Variants in POC1B observed in about 807,000 individuals in gnomAD.
POC1B encodes the protein POC1 centriolar protein B.
Under a neutral mutation model 60.6 loss-of-function variants are expected in POC1B, and 44 were observed. That is an observed-to-expected ratio of 0.73 (90% CI 0.57 to 0.93). The LOEUF is 0.93. Ranked by LOEUF, POC1B falls within the 40% of genes least tolerant of loss-of-function variation. POC1B has a pLI of 0.00. For missense variants in POC1B, 555 were observed against 572.3 expected, an observed-to-expected ratio of 0.97 and a Z score of 0.31; for synonymous variants, 180 against 198.9, an observed-to-expected ratio of 0.90 and a Z score of 0.80.
At chr12:89,445,042 C>G (rs766127248) in intron 10 of POC1B, among the ~76,000 whole-genome samples, 1 of 152,136 alleles carries the variant, frequency 6.6e-6, no homozygotes, top group Non-Finnish European at 1.5e-5. Flanking sequence ...AGGAATCCAA[C>G]TTACAAGGGG....
intron 2 of POC1B, chr12:89,500,649 T>C (rs1011498389): frequency 6.6e-5 from 104 of 1,577,668 alleles, no homozygotes; most frequent in Non-Finnish European, 8.6e-5. Flanking sequence ...ACTTACACTT[T>C]TGAAAATTCA....
chr12:89,499,837 A>C (rs1399740562), intron 2 of POC1B, among the ~76,000 whole-genome samples: 1 of 152,280 alleles, frequency 6.6e-6, no homozygotes, highest in Non-Finnish European at 1.5e-5. Context: ...GAATATCTTC[A>C]TGACCTTGGG....
intron 4 of POC1B, among the ~76,000 whole-genome samples, chr12:89,480,048 C>A (rs894052022): frequency 6.6e-6 from 1 of 152,036 alleles, no homozygotes; most frequent in Non-Finnish European, 1.5e-5. Flanking sequence ...CTTTATATGA[C>A]CTCTTTTCTT....
At chr12:89,513,857 C>A (rs1870306066) in intron 2 of POC1B, among the ~76,000 whole-genome samples, 1 of 152,160 alleles carries the variant, frequency 6.6e-6, no homozygotes, top group Non-Finnish European at 1.5e-5. Context: ...TGAAGCCAGT[C>A]CCTGGTGCCA....
intron 10 of POC1B, among the ~76,000 whole-genome samples, chr12:89,454,754 T>A (rs1168106863): frequency 6.6e-6 from 1 of 152,198 alleles, no homozygotes; most frequent in Non-Finnish European, 1.5e-5. Context: ...CCCTGTACTA[T>A]ATACAGTTTA....
chr12:89,457,261 A>G (rs767749445), intron 10 of POC1B, among the ~76,000 whole-genome samples: 2 of 152,206 alleles, frequency 1.3e-5, no homozygotes, highest in Non-Finnish European at 2.9e-5. Context: ...AGAAACTGTC[A>G]GTGTAGGGAG....
intron 2 of POC1B, among the ~76,000 whole-genome samples, chr12:89,510,972 C>G (rs536483429): frequency 5.1e-4 from 78 of 151,892 alleles, no homozygotes; most frequent in Middle Eastern, 3.4e-3. Context: ...CCAGGCTGGT[C>G]TCACACTCCT....
Position 89,501,164 on chromosome 12 carries a change from T to A in POC1B, c.101-3822A>T, listed in dbSNP as rs1367199638. On this transcript the variant is annotated intron_variant, in intron 2 of 11. Coordinates refer to ENST00000313546, the MANE Select transcript of POC1B (RefSeq NM_172240.3). ...TCAAGAGAAAAGCATCATAATATAT[T>A]AGCTAAGACTTTGGCAAATGACAAA... 3.5e-6 allele frequency: 5 copies of A among 1,419,178 alleles called. No homozygotes were observed. In the Admixed American group the frequency reaches 8.4e-5, roughly 24 times the overall value. 87.9% of individuals were successfully genotyped at this position (1,419,178 alleles called of 1,614,324 possible).
At chr12:89,466,993 C>A in intron 8 of POC1B, 71 bp from the exon 9 acceptor site, 1 of 1,304,984 alleles carries the variant, frequency 7.7e-7, no homozygotes, top group Non-Finnish European at 1.1e-6. Flanking sequence ...ATTTTAAAAC[C>A]CACAATATAC....
intron 4 of POC1B, among the ~76,000 whole-genome samples, chr12:89,477,379 G>C (rs1883163687): frequency 2.0e-5 from 3 of 152,096 alleles, no homozygotes; most frequent in Non-Finnish European, 4.4e-5. Context: ...ACTTGTTCGG[G>C]AATTTACCAT....
intron 10 of POC1B, among the ~76,000 whole-genome samples, chr12:89,435,258 G>T (rs1881209203): frequency 6.8e-6 from 1 of 147,140 alleles, no homozygotes; most frequent in Admixed American, 7.0e-5. Context: ...TCGGCTCACT[G>T]CAACCTCCGC....
chr12:89,523,141 G>GCTT (rs1871055963), intron 2 of POC1B: 7 of 1,613,854 alleles, frequency 4.3e-6, no homozygotes, highest in Non-Finnish European at 4.2e-6. Context: ...TGAAAGGTTA[G>GCTT]CACCTGTGGG....
chr12:89,518,916 G>C (rs1221060241), intron 2 of POC1B, among the ~76,000 whole-genome samples: 1 of 152,172 alleles, frequency 6.6e-6, no homozygotes, highest in Non-Finnish European at 1.5e-5. Context: ...ATCTGATTTT[G>C]TTAGAGTCCT....
At chr12:89,499,482 A>G (rs1869434937) in intron 2 of POC1B, among the ~76,000 whole-genome samples, 1 of 151,912 alleles carries the variant, frequency 6.6e-6, no homozygotes, top group South Asian at 2.1e-4. Flanking sequence ...CTGCACATGT[A>G]CTCCCTGAAT....
intron 1 of POC1B, chr12:89,525,606 C>T: frequency 2.3e-6 from 3 of 1,285,504 alleles, no homozygotes; most frequent in Non-Finnish European, 2.9e-6. Flanking sequence ...TCCACGGAAA[C>T]CCTCCGAGAA....
At chr12:89,496,160 G>A (rs1258079243) in intron 3 of POC1B, among the ~76,000 whole-genome samples, 1 of 152,070 alleles carries the variant, frequency 6.6e-6, no homozygotes, top group Non-Finnish European at 1.5e-5. Context: ...GTTGAAGGGA[G>A]ACAGTGACAG....
chr12:89,492,146 C>G (rs6538189), intron 3 of POC1B, 31 bp from the exon 4 acceptor site: 3 of 1,432,726 alleles, frequency 2.1e-6, no homozygotes, highest in Admixed American at 2.4e-5. Flanking sequence ...ATTTATAACT[C>G]ATTTGATTTA....
intron 2 of POC1B, among the ~76,000 whole-genome samples, chr12:89,515,787 G>A (rs749031596): frequency 2.0e-5 from 3 of 152,144 alleles, no homozygotes; most frequent in Non-Finnish European, 4.4e-5. Context: ...CAAGACCCAT[G>A]TTCTCATCCA....
intron 10 of POC1B, among the ~76,000 whole-genome samples, chr12:89,456,489 A>T (rs1361790437): frequency 6.6e-6 from 1 of 152,240 alleles, no homozygotes; most frequent in Admixed American, 6.5e-5. Context: ...TAACTACAAC[A>T]TGAAAACATT....
Sources: allele counts gnomAD v4.1 joint callset (sites outside exome capture counted in the v4.1 genomes callset), GRCh38; gene constraint gnomAD v4.1.1; transcripts MANE v1.5; gene names NCBI Gene and HGNC (gene_info 2026-07-23, HGNC 2026-07-21).